The following ADAMTS17 variants were observed in gnomAD, a reference collection of about 807,000 sequenced individuals.
ADAMTS17 encodes the protein ADAM metallopeptidase with thrombospondin type 1 motif 17.
A neutral mutation model predicts 141.5 loss-of-function variants in ADAMTS17; 113 were observed. The ratio of observed to expected loss-of-function variants is 0.80; its 90% confidence interval spans 0.69 to 0.93. The LOEUF (loss-of-function observed/expected upper bound fraction) is 0.93. Among genes scored for constraint, ADAMTS17 ranks in the 40% least tolerant of loss-of-function variants. The pLI is 0.00. For synonymous variants in ADAMTS17, 768 were observed against 630.6 expected, an observed-to-expected ratio of 1.22 and a Z score of -3.27; for missense variants, 1,659 against 1,517.9, an observed-to-expected ratio of 1.09 and a Z score of -1.54.
intron 8 of ADAMTS17, among the ~76,000 whole-genome samples, chr15:100,171,871 C>A (rs760138861): frequency 3.3e-5 from 5 of 152,194 alleles, no homozygotes; most frequent in Non-Finnish European, 5.9e-5. Context: ...AAGGTCTTAA[C>A]CCCGTGGAAC....
At chr15:100,271,700 T>C (rs1043071713) in intron 4 of ADAMTS17, among the ~76,000 whole-genome samples, 1 of 152,228 alleles carries the variant, frequency 6.6e-6, no homozygotes, top group Non-Finnish European at 1.5e-5. Flanking sequence ...ACTTTGTTGA[T>C]AGTATCCTTT....
chr15:100,085,135 G>C (rs1214705475), intron 15 of ADAMTS17, among the ~76,000 whole-genome samples: 1 of 152,134 alleles, frequency 6.6e-6, no homozygotes, highest in East Asian at 1.9e-4. Context: ...AACCAATGCA[G>C]AGAAGTCCTT....
In ADAMTS17 at chr15:100,325,420, G is replaced by A. The variant is rs182416747; in HGVS notation, c.616+5469C>T. Among the ~76,000 whole-genome samples the A allele has an allele frequency of 5.5e-4, 84 of 152,284 alleles. 1 individual carries two copies. The highest frequency in any genetic ancestry group is 1.2e-3 in the African/African-American group (50 of 41,556). On this transcript the variant is annotated intron_variant, in intron 3 of 21. Transcript: ENST00000268070. ...GATCCTCCTAAGAGGAAATTTGGAC[G>A]GAGACATGCAGAGAGATAAGACCAT...
intron 7 of ADAMTS17, among the ~76,000 whole-genome samples, chr15:100,234,718 A>C (rs1281507320): frequency 6.6e-6 from 1 of 152,208 alleles, no homozygotes. Context: ...CCAGCCCGTA[A>C]GGCAGCCCCA....
rs530798027 is a variant in ADAMTS17, at chr15:100,134,173, A to G, written c.1474-858T>C. Among the ~76,000 whole-genome samples, 3 of 152,282 alleles carry G rather than the reference A, an allele frequency of 2.0e-5. No homozygotes were observed. In the South Asian group the frequency reaches 6.2e-4, roughly 32 times the overall value. On this transcript the variant is annotated intron_variant, in intron 10 of 21. Coordinates refer to ENST00000268070, the MANE Select transcript of ADAMTS17 (RefSeq NM_139057.4). Reference sequence around the variant, plus strand: ...GTAACTCCCCACCCGCCCAGGGGACAGGGAGATGATACTGAGGCAAGTTCC... The same window carrying G: ...GTAACTCCCCACCCGCCCAGGGGACGGGGAGATGATACTGAGGCAAGTTCC...
chr15:100,292,329 C>G (rs1197192153), intron 3 of ADAMTS17, among the ~76,000 whole-genome samples: 1 of 151,864 alleles, frequency 6.6e-6, no homozygotes. Context: ...ACACTCAGCC[C>G]GTGTGGAATT....
At chr15:100,059,710 C>T (rs2032965900) in intron 15 of ADAMTS17, among the ~76,000 whole-genome samples, 2 of 152,172 alleles carry the variant, frequency 1.3e-5, no homozygotes. Flanking sequence ...AGAGACAATG[C>T]AGGTCACCTC....
Position 100,073,913 on chromosome 15 carries a change from AT to A in ADAMTS17, c.2138-19860del, listed in dbSNP as rs1210872507. Among the ~76,000 whole-genome samples, 8 of 71,184 alleles carry A rather than the reference AT, an allele frequency of 1.1e-4. No homozygotes were observed. In the South Asian group the frequency reaches 2.0e-3, roughly 17 times the overall value. The allele number at this position is 71,184 out of a possible 152,430, so 46.7% of individuals were successfully genotyped here. On this transcript the variant is annotated intron_variant, in intron 15 of 21. Coordinates refer to ENST00000268070, the MANE Select transcript of ADAMTS17 (RefSeq NM_139057.4). Reference sequence around the variant, plus strand: ...CATGTACCCTAAAACTTAAAGTATAATTAAAAAAAGGCAACTGATTTCTATG... The same window carrying A: ...CATGTACCCTAAAACTTAAAGTATAATAAAAAAAGGCAACTGATTTCTATG...
chr15:100,209,440 C>T (rs2041715710), intron 7 of ADAMTS17, among the ~76,000 whole-genome samples: 1 of 152,208 alleles, frequency 6.6e-6, no homozygotes, highest in South Asian at 2.1e-4. Flanking sequence ...AAAGAAGTAA[C>T]CCAAACATGG....
intron 10 of ADAMTS17, among the ~76,000 whole-genome samples, chr15:100,146,267 G>C (rs912379840): frequency 2.0e-5 from 3 of 152,230 alleles, no homozygotes; most frequent in Admixed American, 6.5e-5. Flanking sequence ...ACCCCAAATG[G>C]AGGGACCGGC....
chr15:100,232,897 C>CCAGA (rs1567399956), intron 7 of ADAMTS17, among the ~76,000 whole-genome samples: 1 of 152,188 alleles, frequency 6.6e-6, no homozygotes, highest in African/African-American at 2.4e-5. Context: ...ACACTCCACC[C>CCAGA]CAGAGGAGGG....
At chr15:100,239,512 T>C (rs866336916) in intron 7 of ADAMTS17, among the ~76,000 whole-genome samples, 7 of 152,082 alleles carry the variant, frequency 4.6e-5, no homozygotes, top group African/African-American at 1.4e-4. Context: ...GATGCTGGAC[T>C]GTGTGGATGC....
chr15:100,105,982 C>T lies in ADAMTS17; in HGVS notation c.2016+3007G>A, dbSNP rs1041097640. ...CTGGGATTATAGGCGTGTGCCACCACACCTGGCCTCAAGAAAATGATTTTT... is the reference window on the plus strand; with the variant it reads ...CTGGGATTATAGGCGTGTGCCACCATACCTGGCCTCAAGAAAATGATTTTT... On this transcript the variant is annotated intron_variant, in intron 14 of 21. Transcript: ENST00000268070. Among the ~76,000 whole-genome samples, 4 of 150,650 alleles carry T rather than the reference C, an allele frequency of 2.7e-5. No homozygotes were observed. The South Asian group carries it at 8.6e-4, about 32-fold the overall frequency.
chr15:100,309,661 T>C (rs2045340514), intron 3 of ADAMTS17, among the ~76,000 whole-genome samples: 1 of 152,204 alleles, frequency 6.6e-6, no homozygotes, highest in Non-Finnish European at 1.5e-5. Flanking sequence ...CCATGCCCTT[T>C]CTCTGGAATC....
At chr15:100,269,621 C>T (rs1041013811) in intron 4 of ADAMTS17, among the ~76,000 whole-genome samples, 2 of 152,166 alleles carry the variant, frequency 1.3e-5, no homozygotes, top group Non-Finnish European at 2.9e-5. Flanking sequence ...CAGTCCTGTT[C>T]CCTGGATTCC....
intron 15 of ADAMTS17, among the ~76,000 whole-genome samples, chr15:100,074,354 A>T (rs2034215868): frequency 6.6e-6 from 1 of 151,992 alleles, no homozygotes; most frequent in Non-Finnish European, 1.5e-5. Context: ...GTATAATAAC[A>T]TCTCATATAT....
intron 7 of ADAMTS17, among the ~76,000 whole-genome samples, chr15:100,215,253 T>C (rs1274480122): frequency 1.3e-5 from 2 of 152,178 alleles, no homozygotes; most frequent in Admixed American, 6.5e-5. Flanking sequence ...AAGCAAGATG[T>C]TGATGTGGAA....
intron 3 of ADAMTS17, among the ~76,000 whole-genome samples, chr15:100,294,518 C>T (rs6598322): frequency 0.59 from 89,703 of 151,346 alleles, 28,722 homozygotes; most frequent in African/African-American, 0.83. Context: ...AAGGATCCCC[C>T]AAGCCTAGGA....
At chr15:100,023,588 T>G (rs2061446128) in intron 18 of ADAMTS17, among the ~76,000 whole-genome samples, 1 of 152,154 alleles carries the variant, frequency 6.6e-6, no homozygotes, top group South Asian at 2.1e-4. Context: ...AGAGTCCAGA[T>G]TTCCTCTCTT....
Sources: allele counts gnomAD v4.1 joint callset (sites outside exome capture counted in the v4.1 genomes callset), GRCh38; gene constraint gnomAD v4.1.1; transcripts MANE v1.5; gene names NCBI Gene and HGNC (gene_info 2026-07-23, HGNC 2026-07-21).